The following MGAM variants were observed in gnomAD, a reference collection of about 807,000 sequenced individuals.
The protein encoded by MGAM is maltase-glucoamylase.
A neutral mutation model predicts 358.8 loss-of-function variants in MGAM; 253 were observed. The observed-to-expected ratio is 0.71, with a 90% CI of 0.64 to 0.78. MGAM has a LOEUF of 0.78. Among genes scored for constraint, MGAM ranks in the 30% least tolerant of loss-of-function variants. The probability of loss-of-function intolerance (pLI) is 0.00; values close to 1 mark genes in which losing one functional copy is unlikely to be tolerated. For missense variants in MGAM, 3,080 were observed against 3,432.6 expected (o/e 0.90, Z 2.57); for synonymous variants, 1,105 against 1,227.1 (o/e 0.90, Z 2.08).
Position 142,056,827 on chromosome 7 carries a change from C to T in MGAM, c.3581-3C>T. 1 of 1,613,328 alleles carries T rather than the reference C, an allele frequency of 6.2e-7. No individual in the cohort carries two copies. Among genetic ancestry groups the T allele is most frequent in the Non-Finnish European group, 8.5e-7 (1 of 1,179,662 alleles). ...GAGGCTTGGCATTTTTCTTTATTTT[C>T]AGATGTGACGTTCCAGCCCCTGCCT... On this transcript the variant is annotated splice_polypyrimidine_tract_variant and splice_region_variant and intron_variant, in intron 29 of 70. Transcript: ENST00000475668.
upstream of MGAM, among the ~76,000 whole-genome samples, chr7:141,994,125 C>T (rs1554447895): frequency 6.6e-6 from 1 of 152,164 alleles, no homozygotes; most frequent in Non-Finnish European, 1.5e-5. Flanking sequence ...ATCTGTCCAC[C>T]TCAGCCTCCC....
intron 21 of MGAM, among the ~76,000 whole-genome samples, chr7:142,044,602 G>A (rs1190323243): frequency 2.5e-5 from 3 of 122,152 alleles, no homozygotes; most frequent in African/African-American, 6.1e-5. Flanking sequence ...ATATACACGT[G>A]TAATATATGA....
At chr7:142,055,802 C>T in intron 28 of MGAM, 76 bp downstream of exon 28, 1 of 1,590,240 alleles carries the variant, frequency 6.3e-7, no homozygotes. Flanking sequence ...CTTCATCTTC[C>T]CAAACTCCAC....
intron 21 of MGAM, 48 bp downstream of exon 21, chr7:142,040,894 A>C (rs76561244): frequency 6.5e-7 from 1 of 1,546,456 alleles, no homozygotes; most frequent in Non-Finnish European, 8.7e-7. Context: ...CCTTGCTTAA[A>C]CCCTTTGAAT....
chr7:142,096,247 T>C (rs1262787294), intron 64 of MGAM, 84 bp from the exon 65 acceptor site: 1 of 1,305,384 alleles, frequency 7.7e-7, no homozygotes, highest in Admixed American at 1.8e-5. Flanking sequence ...ATTTCCGACT[T>C]GGATCTGAAC....
chr7:142,047,877 A>G lies in MGAM; in HGVS notation c.2587+4A>G, dbSNP rs1337828973. ...TGGGATAATGGGGAAACGAAGGGTG[A>G]GCACTTATACGATAATGTTGCTGTT... On this transcript the variant is annotated splice_donor_region_variant and intron_variant, in intron 22 of 70. Transcript: ENST00000475668. 1 of 1,591,044 alleles carries G rather than the reference A, an allele frequency of 6.3e-7. No individual in the cohort carries two copies. Among genetic ancestry groups the G allele is most frequent in the Non-Finnish European group, 8.6e-7 (1 of 1,160,006 alleles).
At chr7:142,065,276 T>G (rs1007641539) in intron 37 of MGAM, 59 bp from the exon 38 acceptor site, 63 of 1,575,276 alleles carry the variant, frequency 4.0e-5, no homozygotes, top group Non-Finnish European at 5.3e-5. Flanking sequence ...GAGCAGAAGC[T>G]CTATGGCCTT....
At chr7:142,021,507 C>T (rs1563119885) in intron 5 of MGAM, 79 bp from the exon 6 acceptor site, 1 of 1,401,194 alleles carries the variant, frequency 7.1e-7, no homozygotes, top group Non-Finnish European at 9.8e-7. Context: ...GTGCCTGATT[C>T]CAGTATCCTA....
At chr7:142,056,805 GCT>G in intron 29 of MGAM, 23 bp from the exon 30 acceptor site, 1 of 1,611,020 alleles carries the variant, frequency 6.2e-7, no homozygotes. Context: ...TGTCCGTGAG[GCT>G]TGGCATTTTT....
In MGAM at chr7:142,063,600, G is replaced by A; in HGVS notation, c.4345+14G>A. The stretch of plus-strand genomic sequence containing the variant: ...CCTACATGCCACGTAAGAAGCCTTG[G>A]CCTCCTTGACTGGCAGAGCCATGAC... On this transcript the variant is annotated intron_variant, in intron 36 of 70. Coordinates refer to ENST00000475668, the MANE Select transcript of MGAM (RefSeq NM_001365693.1). The A allele has an allele frequency of 2.5e-6, 4 of 1,611,610 alleles. No individual in the cohort carries two copies. The highest frequency in any genetic ancestry group is 2.5e-6 in the Non-Finnish European group (3 of 1,178,796).
chr7:142,092,468 G>A (rs146787693), intron 58 of MGAM, 53 bp from the exon 59 acceptor site: 1 of 1,427,630 alleles, frequency 7.0e-7, no homozygotes, highest in Non-Finnish European at 9.7e-7. Context: ...CTCAGAATTG[G>A]CAGGACGTAA....
rs1388936074 is a variant in MGAM, at chr7:142,056,017, T to C, written c.3501T>C (p.Tyr1167=). 3 of 1,611,580 alleles carry C rather than the reference T, an allele frequency of 1.9e-6. No individual in the cohort carries two copies. Among genetic ancestry groups the C allele is most frequent in the East Asian group, 2.2e-5 (1 of 44,822 alleles). The change falls in exon 29 of 71, where the codon TAT becomes TAC. Residue 1167 remains tyrosine, a synonymous_variant. Coordinates refer to ENST00000475668, the MANE Select transcript of MGAM (RefSeq NM_001365693.1). The part of the protein sequence containing the change: ...DQPPGYKKNS[Y]GVHPYYMGLE... ...CTCCCCAGTACAAGAAGAATTCCTA[T>C]GGTGTCCACCCCTACTACATGGGGC... is the stretch of plus-strand genomic sequence containing the variant.
chr7:142,050,151 C>G (rs1344033002), intron 22 of MGAM, 84 bp from the exon 23 acceptor site: 2 of 1,337,806 alleles, frequency 1.5e-6, no homozygotes, highest in Non-Finnish European at 2.1e-6. Context: ...GACCTCAAGG[C>G]ATAGCTGAAA....
chr7:141,986,540 A>G (rs1347818827), intron 2 of MGAM, among the ~76,000 whole-genome samples: 1 of 152,110 alleles, frequency 6.6e-6, no homozygotes, highest in Non-Finnish European at 1.5e-5. Flanking sequence ...TGGCTGTAAG[A>G]CATTGTTTGT....
chr7:142,030,497 T>C lies in MGAM; in HGVS notation c.1353+4T>C, dbSNP rs1554462938. ...ACAGAAGCTTGTCATCATTGTGGTATGTACTGCCCTCTTTCCACCAAATTA... is the reference window on the plus strand; with the variant it reads ...ACAGAAGCTTGTCATCATTGTGGTACGTACTGCCCTCTTTCCACCAAATTA... On this transcript the variant is annotated splice_donor_region_variant and intron_variant, in intron 11 of 70. Transcript: ENST00000475668. 5 of 1,613,590 alleles carry C rather than the reference T, an allele frequency of 3.1e-6. No homozygotes were observed. The highest frequency in any genetic ancestry group is 3.4e-6 in the Non-Finnish European group (4 of 1,179,670).
rs554705939 is a variant in MGAM, at chr7:142,060,310, G to T, written c.4060-1G>T. 2 of 1,613,950 alleles carry T rather than the reference G, an allele frequency of 1.2e-6. No individual in the cohort carries two copies. The highest frequency in any genetic ancestry group is 1.7e-6 in the Non-Finnish European group (2 of 1,179,800). On this transcript the variant is annotated splice_acceptor_variant, in intron 33 of 70. Coordinates refer to ENST00000475668, the MANE Select transcript of MGAM (RefSeq NM_001365693.1). LOFTEE classifies it high-confidence loss of function. ...GCTACTGAACGTATTTCTCTCCATAGGTCTGGCCTGATTTTCCTGATGTTG... is the reference window on the plus strand; with the variant it reads ...GCTACTGAACGTATTTCTCTCCATATGTCTGGCCTGATTTTCCTGATGTTG...
At chr7:142,103,604 T>G (rs1052433554) in intron 70 of MGAM, among the ~76,000 whole-genome samples, 165 bp downstream of exon 70, 1 of 152,104 alleles carries the variant, frequency 6.6e-6, no homozygotes, top group East Asian at 1.9e-4. Flanking sequence ...GAATGAAAAA[T>G]CATGGTTTAT....
intron 2 of MGAM, among the ~76,000 whole-genome samples, chr7:142,007,816 A>C (rs1189032175): frequency 1.3e-5 from 2 of 152,144 alleles, no homozygotes; most frequent in Non-Finnish European, 2.9e-5. Context: ...TTGTATTTAC[A>C]GAAGAATGGC....
At position 142,010,239 on chromosome 7, in the gene MGAM, A is replaced by C. The variant is rs182224947; in HGVS notation, c.327+1534A>C. Among the ~76,000 whole-genome samples, 21 of 152,146 alleles carry C rather than the reference A, an allele frequency of 1.4e-4. No homozygotes were observed. In the East Asian group the frequency reaches 3.9e-3, roughly 28 times the overall value. ...TCCCCTTCATGGATCTTAGAAAAAAAGATCACTCGATTATCTAACTCTAGT... is the reference window on the plus strand; with the variant it reads ...TCCCCTTCATGGATCTTAGAAAAAACGATCACTCGATTATCTAACTCTAGT... On this transcript the variant is annotated intron_variant, in intron 3 of 70. Transcript: ENST00000475668.
Sources: allele counts gnomAD v4.1 joint callset (sites outside exome capture counted in the v4.1 genomes callset), GRCh38; gene constraint gnomAD v4.1.1; transcripts MANE v1.5; gene names NCBI Gene and HGNC (gene_info 2026-07-23, HGNC 2026-07-21).